CLN6: variants seen among roughly 807,000 people sequenced by gnomAD.
CLN6 encodes the protein ceroid-lipofuscinosis neuronal protein 6.
A neutral mutation model predicts 33.3 loss-of-function variants in CLN6; 22 were observed. The observed-to-expected ratio is 0.66, with a 90% confidence interval of 0.47 to 0.94. The LOEUF (loss-of-function observed/expected upper bound fraction) is 0.94, where lower values mean the gene tolerates loss of function less well. Among genes scored for constraint, CLN6 ranks in the 40% least tolerant of loss-of-function variants. The probability of loss-of-function intolerance (pLI) is 0.00; values close to 1 mark genes in which losing one functional copy is unlikely to be tolerated. For missense variants in CLN6, 387 were observed against 417.1 expected, an observed-to-expected ratio of 0.93 and a Z score of 0.63; for synonymous variants, 201 against 174.6, an observed-to-expected ratio of 1.15 and a Z score of -1.19.
rs1267623517 is a variant in CLN6, at chr15:68,255,256, A to G, written c.179+1434T>C. On this transcript the variant is annotated intron_variant, in intron 1 of 6. Transcript: ENST00000538696. ...TTTCTATGTCCTCTTCTCCCTTTCC[A>G]CCTTTCAGCATAGATTTAACTCCCT... Among the ~76,000 whole-genome samples the G allele has an allele frequency of 4.0e-5, 6 of 151,796 alleles. No individual in the cohort carries two copies. The East Asian group carries it at 1.2e-3, about 29-fold the overall frequency.
At chr15:68,250,088 A>G (rs1892362993) in intron 1 of CLN6, among the ~76,000 whole-genome samples, 1 of 152,158 alleles carries the variant, frequency 6.6e-6, no homozygotes, top group Non-Finnish European at 1.5e-5. Context: ...ACATTTCAAA[A>G]TAACTAGAAG....
chr15:68,218,801 TG>T (rs1426236591), intron 1 of CLN6, 151 bp from the exon 2 acceptor site: 1 of 649,038 alleles, frequency 1.5e-6, no homozygotes, highest in Non-Finnish European at 2.8e-6. Context: ...CTGGATATAC[TG>T]GGGTCTGGCC....
In CLN6 at chr15:68,209,832, C is replaced by T; in HGVS notation, c.543-73G>A. 2 of 1,587,490 alleles carry T rather than the reference C, an allele frequency of 1.3e-6. No individual in the cohort carries two copies. Among genetic ancestry groups the T allele is most frequent in the Non-Finnish European group, 1.7e-6 (2 of 1,161,752 alleles). On this transcript the variant is annotated intron_variant, in intron 5 of 6. Transcript: ENST00000249806. This position sits in a 1 kb window ranked among gnomAD's most constrained non-coding sequence, Gnocchi z 4.9. ...TCCCCACAACCTCTGCAACCACTCC[C>T]ATGGGGTCTCATGGAGTGCCACGTC... is the stretch of plus-strand genomic sequence containing the variant.
At position 68,220,236 on chromosome 15, in the gene CLN6, T is replaced by C. The variant is rs901267094; in HGVS notation, c.84-1586A>G. Among the ~76,000 whole-genome samples, 3 of 152,192 alleles carry C rather than the reference T, an allele frequency of 2.0e-5. No homozygotes were observed. The highest frequency in any genetic ancestry group is 7.2e-5 in the African/African-American group (3 of 41,444). ...TACTCGGTATCTTCCACCCCCTCAC[T>C]GAACACCAACTATGTGCAATGCTAG... On this transcript the variant is annotated intron_variant, in intron 1 of 6. Transcript: ENST00000249806. This position sits in a 1 kb window ranked among gnomAD's most constrained non-coding sequence, Gnocchi z 4.2.
chr15:68,214,356 G>A lies in CLN6; in HGVS notation c.231C>T (p.Asn77=). ...GGAAGTAGTCCCCAACACTGGGCTT[G>A]TTGAGTGGAAACCACTCGAGAGGGA... The part of the protein sequence containing the change: ...LVFPLEWFPL[N]KPSVGDYFHM... The change falls in exon 3 of 7, where the codon AAC becomes AAT. Residue 77 remains asparagine, a synonymous_variant. Coordinates refer to ENST00000249806, the MANE Select transcript of CLN6 (RefSeq NM_017882.3). 6.2e-7 allele frequency: 1 copy of A among 1,614,064 alleles called. No individual in the cohort carries two copies. The highest frequency in any genetic ancestry group is 8.5e-7 in the Non-Finnish European group (1 of 1,179,884).
At chr15:68,224,052 A>AAACAACAACAAC (rs146628174) in intron 1 of CLN6, among the ~76,000 whole-genome samples, 1 of 151,196 alleles carries the variant, frequency 6.6e-6, no homozygotes, top group East Asian at 1.9e-4. Context: ...CTCAAAAAGA[A>AAACAACAACAAC]AACAACAACA....
upstream of CLN6, among the ~76,000 whole-genome samples, chr15:68,230,506 A>ACC (rs1334010475): frequency 3.9e-5 from 6 of 152,222 alleles, no homozygotes; most frequent in African/African-American, 1.4e-4. This position sits in a 1 kb window ranked among gnomAD's most constrained non-coding sequence, Gnocchi z 4.0. Flanking sequence ...GAAAAACAGA[A>ACC]CCAAAGGTCA....
chr15:68,229,699 G>T lies in CLN6; in HGVS notation c.-115C>A, dbSNP rs1439303557. The T allele has an allele frequency of 1.3e-5, 10 of 762,668 alleles. No individual in the cohort carries two copies. The highest frequency in any genetic ancestry group is 1.8e-5 in the Non-Finnish European group (10 of 546,068). 47.2% of individuals were successfully genotyped at this position (762,668 alleles called of 1,614,324 possible). A position where few individuals can be genotyped will look rare whatever the true frequency, so the allele number is the denominator to read the frequency against. ...GCGCGGGGCGGTTCGGGGCGGGCCG[G>T]CGAGAGCGCGCGGCCCTCGGGAGGA... On this transcript the variant is annotated 5_prime_UTR_variant, in exon 1 of 7. Transcript: ENST00000249806.
Position 68,214,315 on chromosome 15 carries a change from A to ACGTT in CLN6, c.268_271dup (p.Val91GlufsTer42), listed in dbSNP as rs786205067. The ACGTT allele has an allele frequency of 1.9e-6, 3 of 1,613,946 alleles. No homozygotes were observed. Among genetic ancestry groups the ACGTT allele is most frequent in the Non-Finnish European group, 2.5e-6 (3 of 1,179,798 alleles). On this transcript the variant is annotated frameshift_variant, in exon 3 of 7. Transcript: ENST00000249806. LOFTEE classifies it high-confidence loss of function. Reference sequence around the variant, plus strand: ...CTTGAGCAAGAGAAAGGGCGTGATGACGTTGTAGGCCATGTGGAAGTAGTC... The same window carrying ACGTT: ...CTTGAGCAAGAGAAAGGGCGTGATGACGTTCGTTGTAGGCCATGTGGAAGTAGTC...
In CLN6 at chr15:68,228,170, T is replaced by C. The variant is rs2093257696; in HGVS notation, c.83+1332A>G. Among the ~76,000 whole-genome samples, 1 of 152,086 alleles carries C rather than the reference T, an allele frequency of 6.6e-6. No individual in the cohort carries two copies. Among genetic ancestry groups the C allele is most frequent in the Non-Finnish European group, 1.5e-5 (1 of 68,018 alleles). ...CTATGGCCAGTACATTGTTTCTAAGTGAAAACGGACACAGTCCGCAGCTGC... is the reference window on the plus strand; with the variant it reads ...CTATGGCCAGTACATTGTTTCTAAGCGAAAACGGACACAGTCCGCAGCTGC... On this transcript the variant is annotated intron_variant, in intron 1 of 6. Transcript: ENST00000249806. This position sits in a 1 kb window ranked among gnomAD's most constrained non-coding sequence, Gnocchi z 4.4.
chr15:68,251,915 G>A (rs1197671710), intron 1 of CLN6, among the ~76,000 whole-genome samples: 1 of 150,362 alleles, frequency 6.7e-6, no homozygotes, highest in Non-Finnish European at 1.5e-5. Context: ...ATGTAGAACT[G>A]ACAAAAAGAT....
chr15:68,214,761 G>A (rs1043667530), intron 2 of CLN6: 1 of 329,366 alleles, frequency 3.0e-6, no homozygotes, highest in Admixed American at 4.1e-5. Flanking sequence ...GGTGACCCTG[G>A]GCTAATACTT....
Position 68,227,276 on chromosome 15 carries a change from T to C in CLN6, c.83+2226A>G, listed in dbSNP as rs961352362. 6.6e-6 allele frequency among the ~76,000 whole-genome samples: 1 copy of C among 151,974 alleles called. No homozygotes were observed. Among genetic ancestry groups the C allele is most frequent in the African/African-American group, 2.4e-5 (1 of 41,444 alleles). On this transcript the variant is annotated intron_variant, in intron 1 of 6. Transcript: ENST00000249806. The surrounding 1 kb of genome is among the most constrained non-coding windows in gnomAD (Gnocchi z 4.1). ...CTGGTCTCGAACTCCTGGACTCAAG[T>C]GATCCACCCACCTTGGCCTCCCAAA... is the stretch of plus-strand genomic sequence containing the variant.
At chr15:68,237,130 A>G (rs567306881) in intron 1 of CLN6, among the ~76,000 whole-genome samples, 10 of 131,194 alleles carry the variant, frequency 7.6e-5, no homozygotes, top group Non-Finnish European at 1.1e-4. Flanking sequence ...GCAGTCCGCA[A>G]TCCGGCCTGG....
chr15:68,213,929 C>A lies in CLN6; in HGVS notation c.297+361G>T, dbSNP rs151246928. 723 of 288,444 alleles carry A rather than the reference C, an allele frequency of 2.5e-3. 2 individuals are homozygous for A. Among genetic ancestry groups the A allele is most frequent in the African/African-American group, 0.015 (670 of 45,804 alleles). 17.9% of individuals were successfully genotyped at this position (288,444 alleles called of 1,614,324 possible). On this transcript the variant is annotated intron_variant, in intron 3 of 6. Coordinates refer to ENST00000249806, the MANE Select transcript of CLN6 (RefSeq NM_017882.3). ...TCCTCTCTTCCCAGTGGGTCCTTGA[C>A]CTCTCCCTGGACCTCCAGTCACTTC...
chr15:68,245,814 T>C (rs1233824993), intron 1 of CLN6, among the ~76,000 whole-genome samples: 1 of 151,872 alleles, frequency 6.6e-6, no homozygotes. Flanking sequence ...CAATGAAGAA[T>C]AAGAAACCCA....
intron 1 of CLN6, among the ~76,000 whole-genome samples, chr15:68,255,301 G>A (rs1892421606): frequency 2.3e-5 from 1 of 44,186 alleles, no homozygotes; most frequent in South Asian, 1.5e-3. Flanking sequence ...ACACCTGTTG[G>A]ACCTGACCCC....
chr15:68,224,913 T>C (rs1285175373), intron 1 of CLN6, among the ~76,000 whole-genome samples: 1 of 152,198 alleles, frequency 6.6e-6, no homozygotes, highest in East Asian at 1.9e-4. Flanking sequence ...CCTTCCCAGC[T>C]TTCCAAGTCT....
rs1348873245 is a variant in CLN6, at chr15:68,227,884, C to T, written c.83+1618G>A. On this transcript the variant is annotated intron_variant, in intron 1 of 6. Transcript: ENST00000249806. The surrounding 1 kb of genome is among the most constrained non-coding windows in gnomAD (Gnocchi z 4.1). ...ACAGGCTGTTCCCATTGGGCTGTCACAGTTCAGGGCAGTCAGTGACCCCCA... is the reference window on the plus strand; with the variant it reads ...ACAGGCTGTTCCCATTGGGCTGTCATAGTTCAGGGCAGTCAGTGACCCCCA... Among the ~76,000 whole-genome samples the T allele has an allele frequency of 6.6e-6, 1 of 152,210 alleles. No individual in the cohort carries two copies. Among genetic ancestry groups the T allele is most frequent in the Non-Finnish European group, 1.5e-5 (1 of 68,034 alleles).
Sources: gnomAD v4.1 joint callset for allele counts (sites outside exome capture counted in the v4.1 genomes callset) on GRCh38, gnomAD v4.1.1 for gene constraint, Gnocchi (gnomAD v3.1) non-coding constraint, MANE v1.5 for transcripts, NCBI Gene and HGNC (gene_info 2026-07-23, HGNC 2026-07-21) for gene names.